TMTC2: variants seen among roughly 807,000 people sequenced by gnomAD.
TMTC2 encodes protein O-mannosyl-transferase TMTC2.
TMTC2 carries 43 observed loss-of-function variants against 82.4 expected under a neutral mutation model. The ratio of observed to expected loss-of-function variants is 0.52; its 90% CI spans 0.41 to 0.67. The LOEUF is 0.67. Ranked by LOEUF, TMTC2 falls within the 30% of genes least tolerant of loss-of-function variation. The pLI, the probability that TMTC2 is intolerant of heterozygous loss-of-function variation, is 0.00. For missense variants in TMTC2, 919 were observed against 1,012.4 expected, an observed-to-expected ratio of 0.91 and a Z score of 1.25; for synonymous variants, 408 against 381.9, an observed-to-expected ratio of 1.07 and a Z score of -0.80.
At chr12:82,894,965 A>ATTTTTTTT (rs538079811) in intron 2 of TMTC2, among the ~76,000 whole-genome samples, 1 of 122,424 alleles carries the variant, frequency 8.2e-6, no homozygotes, top group Non-Finnish European at 1.7e-5. Context: ...ATGCCTGGCA[A>ATTTTTTTT]TTTTTTTTTT....
intron 8 of TMTC2, among the ~76,000 whole-genome samples, chr12:82,987,172 G>A (rs1879185918): frequency 1.3e-5 from 2 of 151,922 alleles, no homozygotes; most frequent in Admixed American, 6.6e-5. Context: ...AAGAAATCAT[G>A]TAACGCTTTA....
rs755268874 is a variant in TMTC2, at chr12:82,895,829, G to A, written c.666G>A (p.Leu222=). Residue 222 remains leucine, a synonymous_variant, in exon 3 of 12, where the codon TTG becomes TTA. Coordinates refer to ENST00000321196, the MANE Select transcript of TMTC2 (RefSeq NM_152588.3). ...TCTTTTGGTTTCAGAGGAAGAACTTGTCGCTTTTCCTAAGCATTAGTTTGT... is the reference window on the plus strand; with the variant it reads ...TCTTTTGGTTTCAGAGGAAGAACTTATCGCTTTTCCTAAGCATTAGTTTGT... The part of the protein sequence containing the change: ...ILPTIYKRKN[L]SLFLSISLLI... The A allele has an allele frequency of 6.2e-7, 1 of 1,604,448 alleles. No individual in the cohort carries two copies.
At chr12:82,843,134 T>TTA (rs1555190005) in intron 1 of TMTC2, among the ~76,000 whole-genome samples, 2 of 151,820 alleles carry the variant, frequency 1.3e-5, no homozygotes, top group African/African-American at 4.9e-5. Context: ...TCTTTTTTTT[T>TTA]GTCTCGCAGT....
At chr12:82,887,360 A>G (rs1390184974) in intron 2 of TMTC2, among the ~76,000 whole-genome samples, 1 of 151,996 alleles carries the variant, frequency 6.6e-6, no homozygotes, top group African/African-American at 2.4e-5. Context: ...ATTTTACTTC[A>G]CTCTTATTTT....
chr12:82,707,352 T>C (rs903293352), intron 1 of TMTC2, among the ~76,000 whole-genome samples: 3 of 152,184 alleles, frequency 2.0e-5, no homozygotes, highest in Non-Finnish European at 4.4e-5. Flanking sequence ...CACCTCCAAA[T>C]ACCATTACAC....
chr12:82,729,026 G>A (rs756345049), intron 1 of TMTC2, among the ~76,000 whole-genome samples: 6 of 152,226 alleles, frequency 3.9e-5, no homozygotes, highest in Non-Finnish European at 8.8e-5. Flanking sequence ...GGCCTCCTGC[G>A]TGGCCCGAGC....
chr12:82,834,978 A>G lies in TMTC2; in HGVS notation c.84-22032A>G, dbSNP rs565680097. Among the ~76,000 whole-genome samples, 223 of 152,084 alleles carry G rather than the reference A, an allele frequency of 1.5e-3. 3 individuals are homozygous for G. Among genetic ancestry groups the G allele is most frequent in the African/African-American group, 5.2e-3 (215 of 41,468 alleles). On this transcript the variant is annotated intron_variant, in intron 1 of 11. Transcript: ENST00000321196. ...CTGCAACCTCTGTCTCCCGAGTTCA[A>G]ACAATTTTCCTGCTTCAGCCTCCTG...
chr12:82,799,553 C>T (rs1390474091), intron 1 of TMTC2, among the ~76,000 whole-genome samples: 1 of 152,110 alleles, frequency 6.6e-6, no homozygotes. Flanking sequence ...GGAGGCTAGA[C>T]ATCTGAGATA....
At chr12:82,752,147 C>CCT (rs58427886) in intron 1 of TMTC2, among the ~76,000 whole-genome samples, 1 of 137,928 alleles carries the variant, frequency 7.3e-6, no homozygotes, top group African/African-American at 2.8e-5. Context: ...TTGGAAGCTC[C>CCT]TTTTTTTTTT....
rs1426304106 is a variant in TMTC2 at position 82,687,062 on chromosome 12, C to T, written c.-525C>T. 1 of 165,832 alleles carries T rather than the reference C, an allele frequency of 6.0e-6. No individual in the cohort carries two copies. Among genetic ancestry groups the T allele is most frequent in the East Asian group, 1.8e-4 (1 of 5,512 alleles). The allele number at this position is 165,832 out of a possible 1,614,324, so 10.3% of individuals were successfully genotyped here. A position where few individuals can be genotyped will look rare whatever the true frequency, so the allele number is the denominator to read the frequency against. On this transcript the variant is annotated 5_prime_UTR_variant, in exon 1 of 12. Transcript: ENST00000321196. ...TGGCGGCCGGAGTCCGCCCGAGCGA[C>T]ACCGGAGCAGTGCGCCCGGGAGGCG...
At chr12:83,046,377 T>A (rs1462778563) in intron 9 of TMTC2, among the ~76,000 whole-genome samples, 1 of 152,170 alleles carries the variant, frequency 6.6e-6, no homozygotes, top group Non-Finnish European at 1.5e-5. Context: ...AATGCAAATC[T>A]CAGGCACTAT....
At chr12:83,018,673 T>TC (rs1244434136) in intron 8 of TMTC2, among the ~76,000 whole-genome samples, 1 of 150,286 alleles carries the variant, frequency 6.7e-6, no homozygotes, top group Non-Finnish European at 1.5e-5. Context: ...GTTTTTTTTT[T>TC]TTCCCTTATG....
rs1451262969 is a variant in TMTC2, at chr12:82,997,221, C to CTCTCTCTCTCTCTATATA, written c.2070+11176_2070+11177insCTCTCTCTCTCTATATAT. 2.1e-3 allele frequency among the ~76,000 whole-genome samples: 253 copies of CTCTCTCTCTCTCTATATA among 118,532 alleles called. 4 individuals are homozygous for CTCTCTCTCTCTCTATATA. Among genetic ancestry groups the CTCTCTCTCTCTCTATATA allele is most frequent in the African/African-American group, 9.1e-3 (248 of 27,250 alleles). The allele number at this position is 118,532 out of a possible 152,430, so 77.8% of individuals were successfully genotyped here. On this transcript the variant is annotated intron_variant, in intron 8 of 11. Transcript: ENST00000321196. ...TCCCCCTCTCCCTCTCTCTCTCTCTCTATATATATATATAGTTATGTATAG... is the reference window on the plus strand; with the variant it reads ...TCCCCCTCTCCCTCTCTCTCTCTCTCTCTCTCTCTCTCTATATATATATATATATATAGTTATGTATAG...
intron 1 of TMTC2, among the ~76,000 whole-genome samples, chr12:82,848,236 A>G (rs954977213): frequency 1.3e-5 from 2 of 152,098 alleles, no homozygotes; most frequent in Admixed American, 1.3e-4. Context: ...CTGTATTTTC[A>G]GATATCAGAC....
At chr12:82,761,999 C>T (rs538273365) in intron 1 of TMTC2, among the ~76,000 whole-genome samples, 2 of 129,186 alleles carry the variant, frequency 1.5e-5, no homozygotes, top group Non-Finnish European at 3.1e-5. Context: ...CCAAGTCACG[C>T]TCTGTTGCCC....
At chr12:82,882,136 A>ACTACT (rs1183424740) in intron 2 of TMTC2, among the ~76,000 whole-genome samples, 1 of 147,362 alleles carries the variant, frequency 6.8e-6, no homozygotes, top group African/African-American at 2.6e-5. Context: ...AGTAGCTGGG[A>ACTACT]CTACAGGCGC....
At chr12:83,071,309 C>T (rs916096093) in intron 11 of TMTC2, among the ~76,000 whole-genome samples, 3 of 152,060 alleles carry the variant, frequency 2.0e-5, no homozygotes, top group Admixed American at 2.0e-4. Context: ...CAACTGCTAC[C>T]ATGCCCGGCT....
At chr12:82,964,539 T>C (rs1796186) in intron 4 of TMTC2, among the ~76,000 whole-genome samples, 78 of 152,286 alleles carry the variant, frequency 5.1e-4, no homozygotes, top group Middle Eastern at 3.4e-3. Flanking sequence ...ACTGTGACTC[T>C]CTTTTTGCTA....
Position 82,896,583 on chromosome 12 carries a change from A to G in TMTC2, c.1420A>G (p.Asn474Asp). ...VFYGLKTAIR[N>D]GDWQNEEMLY... ...TTATGGACTCAAGACTGCGATCAGGAATGGAGACTGGCAGAATGAGGAAAT... is the reference window on the plus strand; with the variant it reads ...TTATGGACTCAAGACTGCGATCAGGGATGGAGACTGGCAGAATGAGGAAAT... Residue 474 changes from asparagine to aspartate, a missense_variant, in exon 3 of 12, where the codon AAT (asparagine) becomes GAT (aspartate). Asn to Asp is a conservative substitution (Grantham distance 23). Coordinates refer to ENST00000321196, the MANE Select transcript of TMTC2 (RefSeq NM_152588.3). The G allele has an allele frequency of 6.2e-7, 1 of 1,614,028 alleles. No homozygotes were observed. The highest frequency in any genetic ancestry group is 1.3e-5 in the African/African-American group (1 of 75,018).
Sources: allele counts gnomAD v4.1 joint callset (sites outside exome capture counted in the v4.1 genomes callset), GRCh38; gene constraint gnomAD v4.1.1; transcripts MANE v1.5; gene names NCBI Gene and HGNC (gene_info 2026-07-23, HGNC 2026-07-21).